Variants in DCLK1 observed in about 807,000 individuals in gnomAD.
DCLK1 encodes doublecortin like kinase 1.
DCLK1 carries 16 observed loss-of-function variants against 86.2 expected under a neutral mutation model. The ratio of observed to expected loss-of-function variants is 0.19; its 90% CI spans 0.13 to 0.28. DCLK1 has a LOEUF of 0.28. DCLK1 is among the 10% of genes least tolerant of loss of function. The pLI, the probability that DCLK1 is intolerant of heterozygous loss-of-function variation, is 1.00. For missense variants in DCLK1, 590 were observed against 940.2 expected (o/e 0.63, Z 4.87); for synonymous variants, 369 against 370.5 (o/e 1.00, Z 0.05).
intron 3 of DCLK1, among the ~76,000 whole-genome samples, chr13:35,965,027 C>T (rs1878657460): frequency 6.6e-6 from 1 of 152,140 alleles, no homozygotes; most frequent in South Asian, 2.1e-4. Flanking sequence ...TTGCTGACCG[C>T]TGACTTAAGC....
chr13:36,123,642 G>C (rs139553602), intron 2 of DCLK1, among the ~76,000 whole-genome samples: 1 of 152,210 alleles, frequency 6.6e-6, no homozygotes, highest in South Asian at 2.1e-4. Flanking sequence ...GTGAGTTTGA[G>C]CAGATCATTT....
chr13:35,856,486 A>G (rs955340323), intron 5 of DCLK1, among the ~76,000 whole-genome samples: 2 of 152,352 alleles, frequency 1.3e-5, no homozygotes, highest in Non-Finnish European at 2.9e-5. Flanking sequence ...TAAAGGCTAC[A>G]TAGATTGGAG....
chr13:35,787,064 G>C (rs1219941341), intron 16 of DCLK1, among the ~76,000 whole-genome samples: 5 of 150,028 alleles, frequency 3.3e-5, no homozygotes, highest in Non-Finnish European at 7.4e-5. Context: ...TAACAATTGG[G>C]GCTAAAATCA....
chr13:35,868,500 G>A (rs1409159869), intron 5 of DCLK1, among the ~76,000 whole-genome samples: 2 of 152,138 alleles, frequency 1.3e-5, no homozygotes, highest in Non-Finnish European at 2.9e-5. Context: ...TATATACTGA[G>A]AGGAAGAAGA....
chr13:35,993,758 T>C (rs1214098888), intron 3 of DCLK1, among the ~76,000 whole-genome samples: 2 of 151,764 alleles, frequency 1.3e-5, no homozygotes. Context: ...CAAAGACATC[T>C]AGCCACAACT....
rs117943168 is a variant in DCLK1, at chr13:35,840,658, A to G, written c.1036-1482T>C. On this transcript the variant is annotated intron_variant, in intron 6 of 16. Transcript: ENST00000360631. ...GCCTGGTGACTTGAGCTGTTTTTCT[A>G]TCTTTTGTAACCAGCAGCACACATT... Among the ~76,000 whole-genome samples, 67 of 152,282 alleles carry G rather than the reference A, an allele frequency of 4.4e-4. 1 individual carries two copies. In the East Asian group the frequency reaches 0.013, roughly 29 times the overall value.
intron 3 of DCLK1, among the ~76,000 whole-genome samples, chr13:35,958,190 TACC>T (rs1237017860): frequency 3.5e-4 from 2 of 5,664 alleles, no homozygotes; most frequent in Admixed American, 2.5e-3. Flanking sequence ...TAACCACCAC[TACC>T]ACCACCACCA....
chr13:35,898,548 A>G (rs145994100), intron 4 of DCLK1, among the ~76,000 whole-genome samples: 20 of 152,316 alleles, frequency 1.3e-4, no homozygotes, highest in Non-Finnish European at 2.5e-4. Context: ...TTGCAACAAC[A>G]TTGAAGGAAA....
intron 6 of DCLK1, chr13:35,849,251 G>A: frequency 1.0e-6 from 1 of 985,100 alleles, no homozygotes; most frequent in African/African-American, 1.7e-5. Flanking sequence ...TTTGCTAGTT[G>A]AACAATTTAT....
chr13:35,847,812 C>A (rs372524129), intron 6 of DCLK1: 2 of 984,988 alleles, frequency 2.0e-6, no homozygotes, highest in African/African-American at 3.5e-5. Context: ...CCAATATATG[C>A]GCACAGGGAT....
At chr13:36,129,413 T>A (rs188521557) in intron 1 of DCLK1, among the ~76,000 whole-genome samples, 1 of 152,194 alleles carries the variant, frequency 6.6e-6, no homozygotes, top group African/African-American at 2.4e-5. Context: ...ACCTTTTACT[T>A]CCCTTCCCTG....
intron 3 of DCLK1, among the ~76,000 whole-genome samples, chr13:36,105,181 G>A (rs556373372): frequency 3.3e-5 from 5 of 152,108 alleles, no homozygotes; most frequent in Non-Finnish European, 4.4e-5. Flanking sequence ...GTCTCATTTC[G>A]AATTCCATGC....
At chr13:35,849,335 A>C in intron 6 of DCLK1, 1 of 985,216 alleles carries the variant, frequency 1.0e-6, no homozygotes, top group African/African-American at 1.7e-5. Flanking sequence ...TAAAACATTT[A>C]AAAATTGTTT....
chr13:35,931,959 C>A (rs1271407804), intron 4 of DCLK1, among the ~76,000 whole-genome samples: 1 of 152,152 alleles, frequency 6.6e-6, no homozygotes, highest in Non-Finnish European at 1.5e-5. Context: ...AACTCTGTTA[C>A]CCACTGGGTA....
Position 36,076,518 on chromosome 13 carries a change from T to A in DCLK1, c.723+35351A>T, listed in dbSNP as rs953547737. ...CTCCTTCCATCTCTGCTATTGTATGTCCTTCTGATCACTCCTGAGAACTCT... is the reference window on the plus strand; with the variant it reads ...CTCCTTCCATCTCTGCTATTGTATGACCTTCTGATCACTCCTGAGAACTCT... On this transcript the variant is annotated intron_variant, in intron 3 of 16. Transcript: ENST00000360631. Among the ~76,000 whole-genome samples the A allele has an allele frequency of 3.3e-5, 5 of 152,292 alleles. No individual in the cohort carries two copies. The South Asian group carries it at 1.0e-3, about 32-fold the overall frequency.
rs1593617519 is a variant in DCLK1, at chr13:35,813,740, T to TG, written c.1555-2773_1555-2772insC. Among the ~76,000 whole-genome samples the TG allele has an allele frequency of 3.3e-5, 5 of 150,708 alleles. No individual in the cohort carries two copies. The East Asian group carries it at 7.8e-4, about 23-fold the overall frequency. On this transcript the variant is annotated intron_variant, in intron 11 of 16. Transcript: ENST00000360631. ...CAGTGCCCCGCCCCGCTTTTTTTTT[T>TG]TTTTTTTTTGCTTTAAAAACCACAC...
rs1228604110 is a variant in DCLK1 at position 35,958,244 on chromosome 13, C to T, written c.724-10787G>A. On this transcript the variant is annotated intron_variant, in intron 3 of 16. Coordinates refer to ENST00000360631, the MANE Select transcript of DCLK1 (RefSeq NM_001330071.2). ...CCACCACTATAACCACCATCATCACCACCACCACTACCACTACTATAACCA... is the reference window on the plus strand; with the variant it reads ...CCACCACTATAACCACCATCATCACTACCACCACTACCACTACTATAACCA... 3.0e-3 allele frequency among the ~76,000 whole-genome samples: 384 copies of T among 129,884 alleles called. 5 individuals are homozygous for T. Among genetic ancestry groups the T allele is most frequent in the African/African-American group, 7.7e-3 (235 of 30,492 alleles). 85.2% of individuals were successfully genotyped at this position (129,884 alleles called of 152,430 possible). A position where few individuals can be genotyped will look rare whatever the true frequency, so the allele number is the denominator to read the frequency against.
At chr13:36,102,722 C>A (rs925603506) in intron 3 of DCLK1, among the ~76,000 whole-genome samples, 13 of 152,164 alleles carry the variant, frequency 8.5e-5, no homozygotes, top group Admixed American at 2.0e-4. Flanking sequence ...TAAGAGGATT[C>A]TAGACAAAGC....
chr13:35,792,852 A>C (rs2086732110), intron 16 of DCLK1, among the ~76,000 whole-genome samples: 1 of 152,216 alleles, frequency 6.6e-6, no homozygotes, highest in African/African-American at 2.4e-5. Flanking sequence ...AAGGAGCAAG[A>C]CATCGTGACT....
Sources: allele counts gnomAD v4.1 joint callset (sites outside exome capture counted in the v4.1 genomes callset), GRCh38; gene constraint gnomAD v4.1.1; transcripts MANE v1.5; gene names NCBI Gene and HGNC (gene_info 2026-07-23, HGNC 2026-07-21).